Variants in RAB3B observed in about 807,000 individuals in gnomAD.
The protein encoded by RAB3B is RAB3B, member RAS oncogene family.
Under a neutral mutation model 20.5 loss-of-function variants are expected in RAB3B, and 11 were observed. The ratio of observed to expected loss-of-function variants is 0.54; its 90% CI spans 0.34 to 0.89. The LOEUF is 0.89. Among genes scored for constraint, RAB3B ranks in the 40% least tolerant of loss-of-function variants. The probability of loss-of-function intolerance (pLI) is 0.02; values close to 1 mark genes in which losing one functional copy is unlikely to be tolerated. For synonymous variants in RAB3B, 99 were observed against 106.3 expected (o/e 0.93, Z 0.42); for missense variants, 225 against 280.9 (o/e 0.80, Z 1.42).
chr1:51,955,336 C>T (rs1684693822), intron 2 of RAB3B, among the ~76,000 whole-genome samples: 1 of 152,198 alleles, frequency 6.6e-6, no homozygotes, highest in African/African-American at 2.4e-5. Context: ...CACCCTCTGA[C>T]ATGACATTCC....
chr1:51,960,958 A>G (rs1203824664), intron 2 of RAB3B, among the ~76,000 whole-genome samples: 3 of 152,188 alleles, frequency 2.0e-5, no homozygotes, highest in East Asian at 1.9e-4. Flanking sequence ...TCCTTTCCCT[A>G]TATGATCTCA....
intron 2 of RAB3B, among the ~76,000 whole-genome samples, chr1:51,972,512 G>GTTTT (rs1684952685): frequency 8.3e-6 from 1 of 120,596 alleles, no homozygotes; most frequent in Non-Finnish European, 1.7e-5. Context: ...TTTTTGAGTT[G>GTTTT]GAGTGTTGCT....
intron 3 of RAB3B, among the ~76,000 whole-genome samples, chr1:51,933,955 G>A (rs1684361998): frequency 6.6e-6 from 1 of 152,190 alleles, no homozygotes; most frequent in East Asian, 1.9e-4. Flanking sequence ...GGCTGTCACA[G>A]ATGCTGACTC....
intron 3 of RAB3B, among the ~76,000 whole-genome samples, chr1:51,935,599 G>A (rs948807061): frequency 2.0e-5 from 3 of 152,020 alleles, no homozygotes; most frequent in Non-Finnish European, 4.4e-5. Context: ...TGGAGGAATC[G>A]TCACCAGGTG....
intron 2 of RAB3B, among the ~76,000 whole-genome samples, chr1:51,952,465 G>A (rs1048551060): frequency 6.6e-6 from 1 of 152,016 alleles, no homozygotes; most frequent in African/African-American, 2.4e-5. Flanking sequence ...CAATGTATGT[G>A]GCATATCTTA....
chr1:51,919,872 G>C lies in RAB3B; in HGVS notation c.*55C>G. 6.5e-7 allele frequency: 1 copy of C among 1,529,218 alleles called. No individual in the cohort carries two copies. The highest frequency in any genetic ancestry group is 8.9e-7 in the Non-Finnish European group (1 of 1,121,534). The allele number at this position is 1,529,218 out of a possible 1,614,324, so 94.7% of individuals were successfully genotyped here. ...GAGAGCGGACAGTGTGTAACAGGGA[G>C]AAGCAGACTGGGTGTGGGGCCACAA... is the stretch of plus-strand genomic sequence containing the variant. On this transcript the variant is annotated 3_prime_UTR_variant, in exon 5 of 5. Transcript: ENST00000371655.
At chr1:51,960,647 C>G (rs1042422770) in intron 2 of RAB3B, among the ~76,000 whole-genome samples, 13 of 152,148 alleles carry the variant, frequency 8.5e-5, no homozygotes, top group African/African-American at 2.7e-4. Flanking sequence ...AGGTTCCAAG[C>G]AGGCTAGGAG....
At chr1:51,981,890 A>G (rs1437074868) in intron 1 of RAB3B, among the ~76,000 whole-genome samples, 1 of 152,242 alleles carries the variant, frequency 6.6e-6, no homozygotes, top group Non-Finnish European at 1.5e-5. Context: ...TGTGCTATAC[A>G]TAATACTTGA....
chr1:51,974,246 C>T (rs1228290147), intron 2 of RAB3B, among the ~76,000 whole-genome samples: 1 of 152,202 alleles, frequency 6.6e-6, no homozygotes, highest in Non-Finnish European at 1.5e-5. Flanking sequence ...AGTGAAAGCA[C>T]CTGGCACCTA....
At chr1:51,986,157 T>C (rs1195914516) in intron 1 of RAB3B, among the ~76,000 whole-genome samples, 2 of 149,642 alleles carry the variant, frequency 1.3e-5, no homozygotes, top group East Asian at 3.9e-4. Context: ...TTTTTTTTTT[T>C]TTTTTTTTTT....
chr1:51,971,524 C>A (rs1684935177), intron 2 of RAB3B, among the ~76,000 whole-genome samples: 1 of 151,718 alleles, frequency 6.6e-6, no homozygotes, highest in African/African-American at 2.4e-5. Flanking sequence ...CCTCTGCCTC[C>A]CAGGTTCAAG....
intron 2 of RAB3B, 114 bp downstream of exon 2, chr1:51,976,776 T>G: frequency 4.5e-6 from 4 of 892,170 alleles, no homozygotes; most frequent in Non-Finnish European, 7.0e-6. Context: ...GAAACAGCAT[T>G]AATGCCTGAT....
At chr1:51,940,362 C>T (rs1684474121) in intron 2 of RAB3B, among the ~76,000 whole-genome samples, 1 of 152,152 alleles carries the variant, frequency 6.6e-6, no homozygotes, top group African/African-American at 2.4e-5. Context: ...GTGGCTCATG[C>T]CTGTAATCCC....
At chr1:51,933,540 T>C in intron 3 of RAB3B, 98 bp from the exon 4 acceptor site, 3 of 1,185,010 alleles carry the variant, frequency 2.5e-6, no homozygotes, top group South Asian at 3.0e-5. Flanking sequence ...TAATCCCCAA[T>C]GTAATGGTAT....
Position 51,917,543 on chromosome 1 carries a change from A to T in RAB3B, c.*2384T>A, listed in dbSNP as rs1684104872. The stretch of plus-strand genomic sequence containing the variant: ...TCTTTGTAGAGCTGACTCCTTTAAA[A>T]AAAAAAAGAGAGAAAGAGAGACAGA... On this transcript the variant is annotated 3_prime_UTR_variant, in exon 5 of 5. Coordinates refer to ENST00000371655, the MANE Select transcript of RAB3B (RefSeq NM_002867.4). The T allele has an allele frequency of 6.6e-6, 1 of 152,092 alleles. No individual in the cohort carries two copies. Among genetic ancestry groups the T allele is most frequent in the Non-Finnish European group, 1.5e-5 (1 of 68,004 alleles). 9.4% of individuals were successfully genotyped at this position (152,092 alleles called of 1,614,324 possible). A position where few individuals can be genotyped will look rare whatever the true frequency, so the allele number is the denominator to read the frequency against.
chr1:51,931,876 A>C (rs1455154592), intron 4 of RAB3B, among the ~76,000 whole-genome samples: 1 of 152,074 alleles, frequency 6.6e-6, no homozygotes, highest in Non-Finnish European at 1.5e-5. Flanking sequence ...AAATATAGTC[A>C]GTCCAGGGAG....
chr1:51,932,611 T>C (rs139516962), intron 4 of RAB3B, among the ~76,000 whole-genome samples: 10 of 152,268 alleles, frequency 6.6e-5, no homozygotes, highest in Non-Finnish European at 1.2e-4. Context: ...ACTTTTGTTG[T>C]GAATTGTGTT....
In RAB3B at chr1:51,977,023, C is replaced by T. The variant is rs1571979710; in HGVS notation, c.95G>A (p.Ser32Asn). ...GAAGAGGAAGGAGGTCTTGCCAACA[C>T]TGCTGTTGCCAATGATAAGCAGTTT... ...MFKLLIIGNS[S>N]VGKTSFLFRY... is the part of the protein sequence containing the mutation. Residue 32 changes from serine to asparagine, a missense_variant, in exon 2 of 5, where the codon AGT (serine) becomes AAT (asparagine). Transcript: ENST00000371655. 6.2e-7 allele frequency: 1 copy of T among 1,614,238 alleles called. No individual in the cohort carries two copies. The highest frequency in any genetic ancestry group is 8.5e-7 in the Non-Finnish European group (1 of 1,180,026).
At chr1:51,966,645 C>A (rs549028388) in intron 2 of RAB3B, among the ~76,000 whole-genome samples, 1 of 152,188 alleles carries the variant, frequency 6.6e-6, no homozygotes, top group African/African-American at 2.4e-5. Flanking sequence ...AACTTACTTC[C>A]TCAGCAGCTG....
Sources: allele counts gnomAD v4.1 joint callset (sites outside exome capture counted in the v4.1 genomes callset), GRCh38; gene constraint gnomAD v4.1.1; transcripts MANE v1.5; gene names NCBI Gene and HGNC (gene_info 2026-07-23, HGNC 2026-07-21).